Variants in ZNF462 observed in about 807,000 individuals in gnomAD.
The protein encoded by ZNF462 is zinc finger PBX1-interacting protein.
Under a neutral mutation model 201.9 loss-of-function variants are expected in ZNF462, and 10 were observed. The observed-to-expected ratio is 0.05, with a 90% confidence interval of 0.03 to 0.08. The LOEUF (loss-of-function observed/expected upper bound fraction) is 0.08. ZNF462 is among the 10% of genes least tolerant of loss of function. The pLI is 1.00. For synonymous variants in ZNF462, 1,227 were observed against 1,193.3 expected (o/e 1.03, Z -0.58); for missense variants, 2,523 against 3,168.3 (o/e 0.80, Z 4.89).
rs1830478383 is a variant in ZNF462, at chr9:106,932,831, A to G, written c.6116+282A>G. On this transcript the variant is annotated intron_variant, in intron 5 of 12. Transcript: ENST00000277225. The surrounding 1 kb of genome is among the most constrained non-coding windows in gnomAD (Gnocchi z 6.8). The stretch of plus-strand genomic sequence containing the variant: ...GTAAAATGGCATCTGTGGAGAGTAG[A>G]TGAGTCTCCTGATTCATCGTTCAAA... 1.9e-6 allele frequency: 1 copy of G among 537,638 alleles called. No homozygotes were observed. Among genetic ancestry groups the G allele is most frequent in the Non-Finnish European group, 3.3e-6 (1 of 303,684 alleles). 33.3% of individuals were successfully genotyped at this position (537,638 alleles called of 1,614,324 possible). A position where few individuals can be genotyped will look rare whatever the true frequency, so the allele number is the denominator to read the frequency against.
chr9:106,929,298 A>G lies in ZNF462; in HGVS notation c.5386A>G (p.Lys1796Glu). Residue 1796 changes from lysine (K) to glutamate (E), a missense_variant, in exon 3 of 13, where the codon AAG becomes GAG. Physicochemically the swap from Lys to Glu is moderately conservative, Grantham distance 56. This residue lies in a region of ZNF462 where 207 missense variants were observed against 231.6 expected (regional missense o/e 0.89). Coordinates refer to ENST00000277225, the MANE Select transcript of ZNF462 (RefSeq NM_021224.6). This position sits in a 1 kb window ranked among gnomAD's most constrained non-coding sequence, Gnocchi z 8.7. ...YMKRHPGVFP[K>E]KQHASKLGGY... ...GAAACGCCACCCAGGGGTGTTCCCAAAGAAGCAGCACGCCAGCAAGTTGGG... is the reference window on the plus strand; with the variant it reads ...GAAACGCCACCCAGGGGTGTTCCCAGAGAAGCAGCACGCCAGCAAGTTGGG... The G allele has an allele frequency of 6.2e-7, 1 of 1,614,154 alleles. No homozygotes were observed. The highest frequency in any genetic ancestry group is 8.5e-7 in the Non-Finnish European group (1 of 1,180,032).
At chr9:106,976,133 T>A (rs1455959664) in intron 9 of ZNF462, 1 of 152,136 alleles carries the variant, frequency 6.6e-6, no homozygotes, top group East Asian at 1.9e-4. Flanking sequence ...ATAAGGAAAT[T>A]GGGGTAAATG....
At position 106,954,898 on chromosome 9, in the gene ZNF462, A is replaced by G. The variant is rs114895104; in HGVS notation, c.6427+15791A>G. ...TTTTGTTATTTTTTTATTCTGAACAATGAATATAAGGCTGCTTCCTTCCTA... is the reference window on the plus strand; with the variant it reads ...TTTTGTTATTTTTTTATTCTGAACAGTGAATATAAGGCTGCTTCCTTCCTA... On this transcript the variant is annotated intron_variant, in intron 7 of 12. Coordinates refer to ENST00000277225, the MANE Select transcript of ZNF462 (RefSeq NM_021224.6). This position sits in a 1 kb window ranked among gnomAD's most constrained non-coding sequence, Gnocchi z 4.0. Among the ~76,000 whole-genome samples the G allele has an allele frequency of 4.0e-3, 614 of 152,248 alleles. 6 individuals carry two copies. Among genetic ancestry groups the G allele is most frequent in the African/African-American group, 0.014 (571 of 41,556 alleles).
At chr9:106,971,247 A>C (rs1466309341) in intron 7 of ZNF462, among the ~76,000 whole-genome samples, 1 of 151,640 alleles carries the variant, frequency 6.6e-6, no homozygotes, top group Non-Finnish European at 1.5e-5. Flanking sequence ...AAAGGAGGAG[A>C]TGTTGCATCA....
intron 10 of ZNF462, among the ~76,000 whole-genome samples, chr9:106,987,142 T>G (rs1039674739): frequency 1.3e-5 from 2 of 152,170 alleles, no homozygotes; most frequent in Non-Finnish European, 2.9e-5. Context: ...TGCAAGTATC[T>G]TTTTCGAATA....
chr9:106,907,444 T>A (rs1371423083), intron 1 of ZNF462, among the ~76,000 whole-genome samples: 1 of 143,340 alleles, frequency 7.0e-6, no homozygotes, highest in East Asian at 2.0e-4. Context: ...TCTTCTTGGA[T>A]TAATTTTGGT....
At position 106,984,937 on chromosome 9, in the gene ZNF462, C is replaced by A. The variant is rs1827720742; in HGVS notation, c.7056+528C>A. 6.6e-6 allele frequency among the ~76,000 whole-genome samples: 1 copy of A among 152,060 alleles called. No individual in the cohort carries two copies. ...CCAGCCTGGGCAACATGGCGAAACC[C>A]CATCTCTACAAAAAATACAAAAGAT... On this transcript the variant is annotated intron_variant, in intron 10 of 12. Transcript: ENST00000277225. The surrounding 1 kb of genome is among the most constrained non-coding windows in gnomAD (Gnocchi z 6.4).
At chr9:106,994,415 A>G (rs1284164259) in intron 10 of ZNF462, among the ~76,000 whole-genome samples, 1 of 152,102 alleles carries the variant, frequency 6.6e-6, no homozygotes, top group Non-Finnish European at 1.5e-5. Flanking sequence ...TGAGAAATAA[A>G]CGAAGAATCT....
chr9:107,006,363 A>C lies in ZNF462; in HGVS notation c.7189+2937A>C, dbSNP rs1193642246. 6.6e-6 allele frequency among the ~76,000 whole-genome samples: 1 copy of C among 152,198 alleles called. No homozygotes were observed. Among genetic ancestry groups the C allele is most frequent in the Non-Finnish European group, 1.5e-5 (1 of 68,038 alleles). On this transcript the variant is annotated intron_variant, in intron 11 of 12. Coordinates refer to ENST00000277225, the MANE Select transcript of ZNF462 (RefSeq NM_021224.6). This position sits in a 1 kb window ranked among gnomAD's most constrained non-coding sequence, Gnocchi z 4.3. Reference sequence around the variant, plus strand: ...AAAGTAAAAAACAAAACAAACAAACAAACAACAACAAAAAATATAAACCCT... The same window carrying C: ...AAAGTAAAAAACAAAACAAACAAACCAACAACAACAAAAAATATAAACCCT...
At chr9:106,958,793 T>C (rs1008086827) in intron 7 of ZNF462, among the ~76,000 whole-genome samples, 1 of 152,098 alleles carries the variant, frequency 6.6e-6, no homozygotes, top group African/African-American at 2.4e-5. Flanking sequence ...CAAGAAGTGC[T>C]ATCAAGAGAA....
At chr9:106,861,144 C>A (rs529691480), upstream of ZNF462, among the ~76,000 whole-genome samples, 60 of 152,020 alleles carry the variant, frequency 3.9e-4, 1 homozygote, top group African/African-American at 1.4e-3. Flanking sequence ...CCGAGCTTTT[C>A]AATGTGAGTG....
Position 106,925,705 on chromosome 9 carries a change from A to C in ZNF462, c.1793A>C (p.His598Pro). Reference sequence around the variant, plus strand: ...CCACCCACACAAGCCGCACCTCTGCACCCATACAAATGCACCATGTGTAAT... The same window carrying C: ...CCACCCACACAAGCCGCACCTCTGCCCCCATACAAATGCACCATGTGTAAT... ...PQPPTQAAPL[H>P]PYKCTMCNYS... Residue 598 changes from histidine to proline, a missense_variant, in exon 3 of 13, where the codon CAC becomes CCC. Coordinates refer to ENST00000277225, the MANE Select transcript of ZNF462 (RefSeq NM_021224.6). The surrounding 1 kb of genome is among the most constrained non-coding windows in gnomAD (Gnocchi z 7.9). The C allele has an allele frequency of 1.2e-6, 2 of 1,614,156 alleles. No individual in the cohort carries two copies. Among genetic ancestry groups the C allele is most frequent in the Non-Finnish European group, 1.7e-6 (2 of 1,180,024 alleles).
At chr9:106,863,902 G>C (rs962024015) in intron 1 of ZNF462, among the ~76,000 whole-genome samples, 1 of 152,060 alleles carries the variant, frequency 6.6e-6, no homozygotes, top group African/African-American at 2.4e-5. Flanking sequence ...AGAGCTCCGT[G>C]CGAGCGGCCC....
rs765309953 is a variant in ZNF462, at chr9:106,978,864, C to A, written c.6832+4591C>A. 12 of 231,726 alleles carry A rather than the reference C, an allele frequency of 5.2e-5. No individual in the cohort carries two copies. The highest frequency in any genetic ancestry group is 9.1e-5 in the Non-Finnish European group (11 of 120,478). 14.4% of individuals were successfully genotyped at this position (231,726 alleles called of 1,614,324 possible). ...AGATTTTGGACCAAGGACCTTGCCT[C>A]CTCAGTGATGTGGGATCTCATCATA... is the stretch of plus-strand genomic sequence containing the variant. On this transcript the variant is annotated intron_variant, in intron 9 of 12. Coordinates refer to ENST00000277225, the MANE Select transcript of ZNF462 (RefSeq NM_021224.6). The surrounding 1 kb of genome is among the most constrained non-coding windows in gnomAD (Gnocchi z 4.1).
intron 1 of ZNF462, among the ~76,000 whole-genome samples, chr9:106,906,037 C>T (rs1012623002): frequency 4.6e-5 from 7 of 152,168 alleles, no homozygotes; most frequent in East Asian, 1.9e-4. Context: ...AGGAATGGGC[C>T]GCTTGGGGAC....
At chr9:106,992,089 TTATC>T (rs1313417089) in intron 10 of ZNF462, among the ~76,000 whole-genome samples, 2 of 151,910 alleles carry the variant, frequency 1.3e-5, no homozygotes, top group African/African-American at 2.4e-5. Context: ...TGCAAAGTAA[TTATC>T]TAACAAAGGG....
chr9:106,877,690 T>A (rs1827897294), intron 1 of ZNF462, among the ~76,000 whole-genome samples: 1 of 152,212 alleles, frequency 6.6e-6, no homozygotes, highest in South Asian at 2.1e-4. Flanking sequence ...AGAATGTTAC[T>A]ATTTTTTAAT....
chr9:106,923,769 G>A lies in ZNF462; in HGVS notation c.220+166G>A, dbSNP rs1430119890. On this transcript the variant is annotated intron_variant, in intron 2 of 12. Coordinates refer to ENST00000277225, the MANE Select transcript of ZNF462 (RefSeq NM_021224.6). This position sits in a 1 kb window ranked among gnomAD's most constrained non-coding sequence, Gnocchi z 5.6. The stretch of plus-strand genomic sequence containing the variant: ...ATGTATCTCTCCTTGAGTACCTTAG[G>A]TTTTATCCTTTCGAAAGCTTCCTCA... Among the ~76,000 whole-genome samples the A allele has an allele frequency of 6.6e-6, 1 of 152,138 alleles. No individual in the cohort carries two copies. The highest frequency in any genetic ancestry group is 1.5e-5 in the Non-Finnish European group (1 of 68,032).
Position 107,012,236 on chromosome 9 carries a change from C to T in ZNF462, c.*1206C>T, listed in dbSNP as rs1452620188. ...CCTGTCAAATTCACGCATTATCCGTCTCATAAATAATTTCTGTTAGGATTG... is the reference window on the plus strand; with the variant it reads ...CCTGTCAAATTCACGCATTATCCGTTTCATAAATAATTTCTGTTAGGATTG... On this transcript the variant is annotated 3_prime_UTR_variant, in exon 13 of 13. Transcript: ENST00000277225. 1.3e-5 allele frequency: 2 copies of T among 149,722 alleles called. No individual in the cohort carries two copies. Among genetic ancestry groups the T allele is most frequent in the African/African-American group, 4.9e-5 (2 of 40,838 alleles). The allele number at this position is 149,722 out of a possible 1,614,324, so 9.3% of individuals were successfully genotyped here.
Sources: gnomAD v4.1 joint callset for allele counts (sites outside exome capture counted in the v4.1 genomes callset) on GRCh38, gnomAD v4.1.1 for gene constraint, gnomAD v4.1.1 regional missense constraint, Gnocchi (gnomAD v3.1) non-coding constraint, MANE v1.5 for transcripts, NCBI Gene and HGNC (gene_info 2026-07-23, HGNC 2026-07-21) for gene names.